Variants in TEX48 observed in about 807,000 individuals in gnomAD.
TEX48 encodes the protein testis expressed 48.
Under a neutral mutation model 13.2 loss-of-function variants are expected in TEX48, and 10 were observed. The ratio of observed to expected loss-of-function variants is 0.75; its 90% CI spans 0.47 to 1.28. TEX48 has a LOEUF of 1.28. Among genes scored for constraint, TEX48 ranks in the 50% most tolerant of loss-of-function variants. The probability of loss-of-function intolerance (pLI) is 0.00; values close to 1 mark genes in which losing one functional copy is unlikely to be tolerated. For missense variants in TEX48, 116 were observed against 139.4 expected (o/e 0.83, Z 0.84); for synonymous variants, 45 against 52.3 (o/e 0.86, Z 0.60).
At chr9:114,674,499 T>C (rs1828013439) in intron 1 of TEX48, among the ~76,000 whole-genome samples, 1 of 152,218 alleles carries the variant, frequency 6.6e-6, no homozygotes, top group South Asian at 2.1e-4. Context: ...CCTAATCTCT[T>C]CCTTGTTTAC....
chr9:114,680,305 T>C (rs760991185), intron 1 of TEX48, among the ~76,000 whole-genome samples: 7 of 151,942 alleles, frequency 4.6e-5, no homozygotes, highest in Non-Finnish European at 7.4e-5. Flanking sequence ...TTTTAGTTTT[T>C]AGTAGAGATG....
Position 114,666,457 on chromosome 9 carries a change from T to C in TEX48, c.*186A>G, listed in dbSNP as rs998981472. On this transcript the variant is annotated 3_prime_UTR_variant, in exon 5 of 5. Coordinates refer to ENST00000436752, the MANE Select transcript of TEX48 (RefSeq NM_001199233.2). ...CCTCTGGTGCAATCAAGAACTTTAA[T>C]TGGAGGCAGCTCTTCCCATGGTGGC... 2.0e-5 allele frequency: 10 copies of C among 498,506 alleles called. No homozygotes were observed. Among genetic ancestry groups the C allele is most frequent in the African/African-American group, 1.8e-4 (9 of 50,778 alleles). The allele number at this position is 498,506 out of a possible 1,614,324, so 30.9% of individuals were successfully genotyped here.
At chr9:114,680,851 G>C (rs1432123114) in intron 1 of TEX48, among the ~76,000 whole-genome samples, 1 of 152,102 alleles carries the variant, frequency 6.6e-6, no homozygotes, top group Non-Finnish European at 1.5e-5. Context: ...CATGCCAGTA[G>C]GTACATTTCA....
chr9:114,666,812 T>A, intron 4 of TEX48, 66 bp from the exon 5 acceptor site: 1 of 814,854 alleles, frequency 1.2e-6, no homozygotes, highest in Non-Finnish European at 2.0e-6. Context: ...ATGAACTGTT[T>A]TGGTTGTTTG....
intron 1 of TEX48, among the ~76,000 whole-genome samples, chr9:114,676,822 TA>T (rs554624300): frequency 9.7e-4 from 148 of 152,088 alleles, no homozygotes; most frequent in Non-Finnish European, 8.4e-4. Context: ...TTCACTGTGT[TA>T]GCCAGGATGG....
chr9:114,671,060 A>C (rs1177619283), intron 3 of TEX48, among the ~76,000 whole-genome samples: 1 of 152,114 alleles, frequency 6.6e-6, no homozygotes, highest in Non-Finnish European at 1.5e-5. Flanking sequence ...TCAAACTATC[A>C]TGTACATTCA....
chr9:114,673,315 A>G (rs1350304467), intron 1 of TEX48, among the ~76,000 whole-genome samples: 3 of 152,150 alleles, frequency 2.0e-5, no homozygotes, highest in African/African-American at 7.2e-5. Flanking sequence ...TCTGCTAAAA[A>G]TACAAAACTA....
chr9:114,670,209 G>T (rs1363075375), intron 3 of TEX48, among the ~76,000 whole-genome samples: 1 of 152,078 alleles, frequency 6.6e-6, no homozygotes, highest in Non-Finnish European at 1.5e-5. Flanking sequence ...ATCACAGCTG[G>T]GTCCCCAGTG....
At chr9:114,674,323 G>A (rs1349773392) in intron 1 of TEX48, among the ~76,000 whole-genome samples, 1 of 151,940 alleles carries the variant, frequency 6.6e-6, no homozygotes, top group Non-Finnish European at 1.5e-5. Context: ...AACACAGCAA[G>A]CTCCCAACTC....
rs202087451 is a variant in TEX48 at position 114,674,578 on chromosome 9, C to T, written c.-104-2751G>A. Among the ~76,000 whole-genome samples, 119 of 68,356 alleles carry T rather than the reference C, an allele frequency of 1.7e-3. 1 individual carries two copies. The highest frequency in any genetic ancestry group is 0.01 in the African/African-American group (77 of 7,486). 44.8% of individuals were successfully genotyped at this position (68,356 alleles called of 152,430 possible). ...TTTTTCTTCTTTTTTTCTTTTCTTT[C>T]TTTTTTTCTCTTTTCTCTTTTTCTT... is the stretch of plus-strand genomic sequence containing the variant. On this transcript the variant is annotated intron_variant, in intron 1 of 4. Coordinates refer to ENST00000436752, the MANE Select transcript of TEX48 (RefSeq NM_001199233.2).
chr9:114,673,480 AAAAAG>A (rs796329893), intron 1 of TEX48, among the ~76,000 whole-genome samples: 3,410 of 150,574 alleles, frequency 0.023, 73 homozygotes, highest in Admixed American at 0.033. Flanking sequence ...TCAAAAAAAA[AAAAAG>A]AAAAGAAAAG....
chr9:114,680,053 A>G (rs755876256), intron 1 of TEX48, among the ~76,000 whole-genome samples: 1 of 151,774 alleles, frequency 6.6e-6, no homozygotes, highest in Non-Finnish European at 1.5e-5. Flanking sequence ...CATGCCAGGG[A>G]AATCATGGGG....
At chr9:114,668,146 G>C in intron 4 of TEX48, 60 bp downstream of exon 4, 1 of 1,530,078 alleles carries the variant, frequency 6.5e-7, no homozygotes, top group Non-Finnish European at 8.7e-7. Flanking sequence ...CTGGTTATTA[G>C]GACCAGGCTC....
chr9:114,673,301 C>T (rs1019064145), intron 1 of TEX48, among the ~76,000 whole-genome samples: 7 of 151,852 alleles, frequency 4.6e-5, no homozygotes, highest in Admixed American at 2.6e-4. Flanking sequence ...GGAGAAACCC[C>T]GTCTCTGCTA....
intron 3 of TEX48, among the ~76,000 whole-genome samples, chr9:114,669,440 G>C (rs1164142034): frequency 1.3e-5 from 2 of 151,618 alleles, no homozygotes; most frequent in Non-Finnish European, 2.9e-5. Flanking sequence ...CACCATGGCT[G>C]GCTAATTTTT....
intron 1 of TEX48, among the ~76,000 whole-genome samples, chr9:114,677,575 T>C (rs9695517): frequency 0.61 from 92,467 of 151,898 alleles, 28,359 homozygotes; most frequent in African/African-American, 0.68. Context: ...TGTAGAAGGA[T>C]GCACTTCATA....
At chr9:114,668,788 A>G (rs1183493169) in intron 3 of TEX48, among the ~76,000 whole-genome samples, 1 of 152,166 alleles carries the variant, frequency 6.6e-6, no homozygotes, top group Non-Finnish European at 1.5e-5. Context: ...TCCTATGCAT[A>G]TTTTACATAG....
intron 1 of TEX48, among the ~76,000 whole-genome samples, chr9:114,673,730 T>C (rs185153742): frequency 6.6e-6 from 1 of 151,676 alleles, no homozygotes; most frequent in East Asian, 1.9e-4. Flanking sequence ...CGAAGGAAAA[T>C]GATACCAGAT....
At chr9:114,674,538 TTCTTTC>T (rs1279835912) in intron 1 of TEX48, among the ~76,000 whole-genome samples, 2 of 132,316 alleles carry the variant, frequency 1.5e-5, no homozygotes, top group African/African-American at 6.2e-5. Flanking sequence ...TTCTTTTTTC[TTCTTTC>T]TTTCTCTCTT....
Sources: allele counts gnomAD v4.1 joint callset (sites outside exome capture counted in the v4.1 genomes callset), GRCh38; gene constraint gnomAD v4.1.1; transcripts MANE v1.5; gene names NCBI Gene and HGNC (gene_info 2026-07-23, HGNC 2026-07-21).